ANKRD30B: variants seen among roughly 807,000 people sequenced by gnomAD.
The protein encoded by ANKRD30B is ankyrin repeat domain-containing protein 30B.
In ANKRD30B, 144 loss-of-function variants were observed where a neutral mutation model predicts 202.2. The ratio of observed to expected loss-of-function variants is 0.71; its 90% CI spans 0.62 to 0.82. The LOEUF (loss-of-function observed/expected upper bound fraction) is 0.82, where lower values mean the gene tolerates loss of function less well. Among genes scored for constraint, ANKRD30B ranks in the 40% least tolerant of loss-of-function variants. The pLI is 0.00. For synonymous variants in ANKRD30B, 508 were observed against 561.3 expected (o/e 0.91, Z 1.34); for missense variants, 1,487 against 1,669.1 (o/e 0.89, Z 1.90).
chr18:14,821,726 G>A (rs1970432868), intron 30 of ANKRD30B, among the ~76,000 whole-genome samples: 1 of 152,150 alleles, frequency 6.6e-6, no homozygotes, highest in South Asian at 2.1e-4. Flanking sequence ...CCAAGGTTCT[G>A]GAGTTACAGG....
chr18:14,837,399 G>C (rs1229749110), intron 35 of ANKRD30B, 110 bp downstream of exon 35: 2 of 1,011,738 alleles, frequency 2.0e-6, no homozygotes, highest in Non-Finnish European at 2.8e-6. Context: ...CAATTTTTTA[G>C]CCCAAAATAC....
At chr18:14,878,777 C>T in the ANKRD30B span, among the ~76,000 whole-genome samples, 4 of 152,190 alleles carry the variant, frequency 2.6e-5, no homozygotes, top group Admixed American at 2.6e-4. Flanking sequence ...AAGAATGTCA[C>T]ATTTTAAGAT....
At chr18:14,815,346 A>G (rs550543151) in intron 30 of ANKRD30B, among the ~76,000 whole-genome samples, 10 of 150,066 alleles carry the variant, frequency 6.7e-5, no homozygotes, top group African/African-American at 2.2e-4. Context: ...CAAACTTTAG[A>G]AAACCGTCTG....
At chr18:14,852,447 T>C in intron 42 of ANKRD30B, 27 bp downstream of exon 42, 1 of 1,504,850 alleles carries the variant, frequency 6.6e-7, no homozygotes, top group Non-Finnish European at 8.8e-7. Flanking sequence ...ATAAATACTT[T>C]TCAAACTTCC....
chr18:14,759,382 G>A (rs187474853), intron 5 of ANKRD30B: 6 of 152,298 alleles, frequency 3.9e-5, no homozygotes, highest in South Asian at 2.1e-4. Flanking sequence ...GATTGCACTT[G>A]TGATTTTCAT....
chr18:14,888,733 C>T, the ANKRD30B span: 74 of 927,142 alleles, frequency 8.0e-5, no homozygotes, highest in Non-Finnish European at 4.9e-5. Context: ...AGAACGTGGG[C>T]TGTTTTTGTT....
At chr18:14,899,837 G>T in the ANKRD30B span, among the ~76,000 whole-genome samples, 3 of 152,090 alleles carry the variant, frequency 2.0e-5, no homozygotes, top group East Asian at 5.8e-4. Flanking sequence ...ATACTTTCTC[G>T]TTAACCAATG....
intron 16 of ANKRD30B, among the ~76,000 whole-genome samples, chr18:14,793,863 C>A (rs1598628473): frequency 2.6e-5 from 4 of 151,824 alleles, no homozygotes; most frequent in African/African-American, 9.7e-5. Context: ...CACTGCACTC[C>A]AGCCTGGGCG....
the ANKRD30B span, among the ~76,000 whole-genome samples, chr18:14,920,881 G>T: frequency 6.6e-6 from 1 of 152,216 alleles, no homozygotes; most frequent in East Asian, 1.9e-4. Context: ...TGTAAGATTG[G>T]CTGAGAGCAT....
the ANKRD30B span, among the ~76,000 whole-genome samples, chr18:14,936,992 C>A: frequency 6.6e-6 from 1 of 152,198 alleles, no homozygotes; most frequent in African/African-American, 2.4e-5. Flanking sequence ...AACTAGGACC[C>A]CGCTGGGTCC....
rs750246094 is a variant in ANKRD30B, at chr18:14,799,229, T to C, written c.2065T>C (p.Cys689Arg). 4 of 1,571,754 alleles carry C rather than the reference T, an allele frequency of 2.5e-6. No individual in the cohort carries two copies. Among genetic ancestry groups the C allele is most frequent in the Non-Finnish European group, 3.4e-6 (4 of 1,160,824 alleles). Residue 689 changes from cysteine (C) to arginine (R), a missense_variant, in exon 22 of 44, where the codon TGT (cysteine) becomes CGT (arginine). This residue lies in a region of ANKRD30B where 889 missense variants were observed against 841.4 expected (regional missense o/e 1.06). Transcript: ENST00000690538. Reference sequence around the variant, plus strand: ...TGTTTCCAAACCCATTTAGCCTACCTGTGGAAGGAAAGTTTCTCTTCCAAA... The same window carrying C: ...TGTTTCCAAACCCATTTAGCCTACCCGTGGAAGGAAAGTTTCTCTTCCAAA... Reference protein sequence around the residue: ...PDNDGLLKPTCGRKVSLPNKA... With the variant: ...PDNDGLLKPTRGRKVSLPNKA...
At chr18:14,898,089 A>G in the ANKRD30B span, among the ~76,000 whole-genome samples, 1 of 152,214 alleles carries the variant, frequency 6.6e-6, no homozygotes, top group Non-Finnish European at 1.5e-5. Context: ...TGTGTAACCA[A>G]TTCTATAGAT....
rs1971762094 is a variant in ANKRD30B at position 14,848,862 on chromosome 18, G to T, written c.3328G>T (p.Ala1110Ser). The change falls in exon 40 of 44, where the codon GCG becomes TCG. Residue 1110 changes from alanine to serine, a missense_variant. This residue lies in a region of ANKRD30B where 177 missense variants were observed against 216.4 expected (regional missense o/e 0.82). Transcript: ENST00000690538. ...TGTACTACAAAAGGAACTGTCAGAAGCGAAAGAAATAAAATCACAGTTAGA... is the reference window on the plus strand; with the variant it reads ...TGTACTACAAAAGGAACTGTCAGAATCGAAAGAAATAAAATCACAGTTAGA... ...FCVLQKELSEAKEIKSQLENQ... is the reference protein window; with the variant it reads ...FCVLQKELSESKEIKSQLENQ... The T allele has an allele frequency of 1.2e-6, 2 of 1,602,832 alleles. No homozygotes were observed.
At chr18:14,811,199 T>C (rs1969895295) in intron 28 of ANKRD30B, among the ~76,000 whole-genome samples, 1 of 151,688 alleles carries the variant, frequency 6.6e-6, no homozygotes, top group South Asian at 2.1e-4. Context: ...AATTTTCTTT[T>C]TTTTTTAAAT....
the ANKRD30B span, among the ~76,000 whole-genome samples, chr18:14,904,740 A>G: frequency 6.6e-6 from 1 of 152,154 alleles, no homozygotes; most frequent in African/African-American, 2.4e-5. Flanking sequence ...AGGTCTGGAG[A>G]AAGTGAGGTG....
At chr18:14,815,418 G>A (rs1486644637) in intron 30 of ANKRD30B, among the ~76,000 whole-genome samples, 1 of 152,068 alleles carries the variant, frequency 6.6e-6, no homozygotes, top group African/African-American at 2.4e-5. Context: ...TTTTTAGTAA[G>A]TTGTCAGGCG....
chr18:14,882,086 G>T, the ANKRD30B span, among the ~76,000 whole-genome samples: 2 of 151,994 alleles, frequency 1.3e-5, no homozygotes, highest in African/African-American at 2.4e-5. Flanking sequence ...TGTATTTGTT[G>T]TTGTTGTTCT....
chr18:14,893,805 C>CCA, the ANKRD30B span, among the ~76,000 whole-genome samples: 1 of 150,726 alleles, frequency 6.6e-6, no homozygotes, highest in African/African-American at 2.4e-5. Flanking sequence ...AAGAGGCTGT[C>CCA]TTTCTTTGTG....
chr18:14,794,105 G>C (rs1238915365), intron 16 of ANKRD30B, among the ~76,000 whole-genome samples: 1 of 152,108 alleles, frequency 6.6e-6, no homozygotes. Flanking sequence ...CATTACAAAT[G>C]TGGCTCACTA....
Sources: gnomAD v4.1 joint callset for allele counts (sites outside exome capture counted in the v4.1 genomes callset) on GRCh38, gnomAD v4.1.1 for gene constraint, gnomAD v4.1.1 regional missense constraint, MANE v1.5 for transcripts, NCBI Gene and HGNC (gene_info 2026-07-23, HGNC 2026-07-21) for gene names.